RPS29: variants seen among roughly 807,000 people sequenced by gnomAD.
The protein encoded by RPS29 is ribosomal protein S29.
For missense variants in RPS29, 60 were observed against 75.7 expected, an observed-to-expected ratio of 0.79 and a Z score of 0.77; for synonymous variants, 37 against 26.9, an observed-to-expected ratio of 1.37 and a Z score of -1.16.
At chr14:49,581,092 CAGG>C (rs750526210), downstream of RPS29, among the ~76,000 whole-genome samples, 6 of 151,716 alleles carry the variant, frequency 4.0e-5, no homozygotes, top group South Asian at 2.1e-4. Flanking sequence ...GAGGCTGAGG[CAGG>C]AGAATTGCTT....
At chr14:49,596,365 C>G (rs982493819) in intron 1 of RPS29, among the ~76,000 whole-genome samples, 1 of 152,090 alleles carries the variant, frequency 6.6e-6, no homozygotes, top group Admixed American at 6.6e-5. Context: ...ACAAGGAAAA[C>G]TGACTCGAGG....
upstream of RPS29, among the ~76,000 whole-genome samples, chr14:49,591,287 C>CTGTT (rs61069057): frequency 0.081 from 12,185 of 150,576 alleles, 509 homozygotes; most frequent in Non-Finnish European, 0.097. Context: ...TAGAGGTTTT[C>CTGTT]TGTTTGTTTG....
upstream of RPS29, chr14:49,586,601 C>T (rs997593476): frequency 3.9e-6 from 2 of 518,608 alleles, no homozygotes; most frequent in East Asian, 3.4e-5. Context: ...TGGCGCGTGC[C>T]TGTAGTCCCA....
upstream of RPS29, among the ~76,000 whole-genome samples, chr14:49,591,135 T>A (rs1566485529): frequency 6.6e-6 from 1 of 152,160 alleles, no homozygotes; most frequent in African/African-American, 2.4e-5. Flanking sequence ...ACATACATAC[T>A]TCAGGAAAGG....
At chr14:49,571,554 A>G (rs1354557425) in exon 3 of RPS29, 1 of 152,226 alleles carries the variant, frequency 6.6e-6, no homozygotes, top group East Asian at 1.9e-4. Context: ...ATGTGATTAC[A>G]TAGCTGGTGC....
At chr14:49,589,920 C>T (rs1410938546), upstream of RPS29, among the ~76,000 whole-genome samples, 1 of 152,148 alleles carries the variant, frequency 6.6e-6, no homozygotes, top group Non-Finnish European at 1.5e-5. Flanking sequence ...GGCCATTATC[C>T]TAAACAAACT....
At chr14:49,586,887 A>AACACGTCTCTTT (rs1364237127), upstream of RPS29, 1 of 158,410 alleles carries the variant, frequency 6.3e-6, no homozygotes, top group Non-Finnish European at 1.4e-5. Context: ...CTTTTGAACA[A>AACACGTCTCTTT]TAAATACGTT....
At chr14:49,587,167 C>CA (rs769466328), upstream of RPS29, among the ~76,000 whole-genome samples, 26 of 149,286 alleles carry the variant, frequency 1.7e-4, no homozygotes, top group South Asian at 1.3e-3. Context: ...TACACCATTC[C>CA]AAAAAAAAAT....
downstream of RPS29, among the ~76,000 whole-genome samples, chr14:49,578,687 A>G (rs951395881): frequency 2.7e-5 from 4 of 149,456 alleles, no homozygotes; most frequent in Admixed American, 6.8e-5. Flanking sequence ...CAGCCCCCCA[A>G]GTAGCTGGGA....
At chr14:49,584,847 A>G (rs10150624) in intron 2 of RPS29, among the ~76,000 whole-genome samples, 103,470 of 151,056 alleles carry the variant, frequency 0.68, 36,580 homozygotes, top group Non-Finnish European at 0.74. Flanking sequence ...TTTTTATCTC[A>G]AAGAGCCAAT....
chr14:49,586,361 T>G lies in RPS29; in HGVS notation c.-15A>C. ...TGGTGACCCATCTTGCTCTCAGCAG[T>G]GCAACGAGGTAAAAGGAAGAAGCTG... On this transcript the variant is annotated 5_prime_UTR_variant, in exon 1 of 3. Coordinates refer to ENST00000245458, the MANE Select transcript of RPS29 (RefSeq NM_001032.5). 6.2e-7 allele frequency: 1 copy of G among 1,613,238 alleles called. No homozygotes were observed. Among genetic ancestry groups the G allele is most frequent in the Non-Finnish European group, 8.5e-7 (1 of 1,179,188 alleles).
At chr14:49,592,818 G>A (rs546103759) in intron 1 of RPS29, among the ~76,000 whole-genome samples, 1 of 151,608 alleles carries the variant, frequency 6.6e-6, no homozygotes, top group Non-Finnish European at 1.5e-5. Context: ...TGAGACAGGA[G>A]AATCGTTTGA....
chr14:49,588,480 G>A (rs1273654085), upstream of RPS29, among the ~76,000 whole-genome samples: 3 of 152,146 alleles, frequency 2.0e-5, no homozygotes, highest in South Asian at 2.1e-4. Context: ...AGCTTTAAAA[G>A]TTCATTTTAA....
At chr14:49,596,258 AAAAC>A (rs1375523200) in intron 1 of RPS29, among the ~76,000 whole-genome samples, 3 of 152,174 alleles carry the variant, frequency 2.0e-5, no homozygotes, top group Non-Finnish European at 4.4e-5. Context: ...TTATAGAAGA[AAAAC>A]AAATCTAAAT....
At chr14:49,593,855 G>C (rs1881766973) in intron 1 of RPS29, among the ~76,000 whole-genome samples, 1 of 152,076 alleles carries the variant, frequency 6.6e-6, no homozygotes, top group South Asian at 2.1e-4. Flanking sequence ...GGATTCCAAA[G>C]GGAGCAAGAG....
intron 2 of RPS29, among the ~76,000 whole-genome samples, chr14:49,585,146 G>T (rs1463452039): frequency 6.6e-6 from 1 of 152,102 alleles, no homozygotes; most frequent in African/African-American, 2.4e-5. Flanking sequence ...GAAGCAGGCG[G>T]ATCACGAGGT....
intron 1 of RPS29, among the ~76,000 whole-genome samples, chr14:49,591,942 A>T (rs1163451747): frequency 6.6e-6 from 1 of 152,118 alleles, no homozygotes; most frequent in Non-Finnish European, 1.5e-5. Context: ...TTTAAAGTCC[A>T]CTTAGCAAGA....
intron 2 of RPS29, among the ~76,000 whole-genome samples, chr14:49,584,174 T>C (rs1040353313): frequency 1.6e-4 from 25 of 152,320 alleles, no homozygotes; most frequent in Admixed American, 1.4e-3. Flanking sequence ...GTTTTCGCCA[T>C]GTTGGCAAGG....
chr14:49,575,964 T>G (rs1881167957), exon 3 of RPS29: 1 of 152,224 alleles, frequency 6.6e-6, no homozygotes, highest in African/African-American at 2.4e-5. Flanking sequence ...TTTAAAATTC[T>G]AAAAGATAGA....
Sources: gnomAD v4.1 joint callset for allele counts (sites outside exome capture counted in the v4.1 genomes callset) on GRCh38, gnomAD v4.1.1 for gene constraint, MANE v1.5 for transcripts, NCBI Gene and HGNC (gene_info 2026-07-23, HGNC 2026-07-21) for gene names.